The following KALRN variants were observed in gnomAD, a reference collection of about 807,000 sequenced individuals.
The protein encoded by KALRN is kalirin.
A neutral mutation model predicts 353.7 loss-of-function variants in KALRN; 70 were observed. The observed-to-expected ratio is 0.20, with a 90% CI of 0.16 to 0.24. The LOEUF (loss-of-function observed/expected upper bound fraction) is 0.24, where lower values mean the gene tolerates loss of function less well. KALRN is among the 10% of genes least tolerant of loss of function. KALRN has a pLI of 1.00. For synonymous variants in KALRN, 1,391 were observed against 1,434.8 expected, an observed-to-expected ratio of 0.97 and a Z score of 0.69; for missense variants, 2,791 against 3,756.7, an observed-to-expected ratio of 0.74 and a Z score of 6.72.
chr3:124,658,350 T>C, intron 41 of KALRN, 81 bp from the exon 42 acceptor site: 1 of 1,051,578 alleles, frequency 9.5e-7, no homozygotes, highest in Non-Finnish European at 1.5e-6. Flanking sequence ...TTTGTCCACG[T>C]GGAGGCCAGC....
At chr3:124,091,817 AAAC>A (rs1436579210) in intron 1 of KALRN, among the ~76,000 whole-genome samples, 1 of 152,220 alleles carries the variant, frequency 6.6e-6, no homozygotes, top group Non-Finnish European at 1.5e-5. Context: ...GACAAAACAA[AAAC>A]AACAACAAAA....
At chr3:124,109,684 C>G (rs146646686) in intron 1 of KALRN, among the ~76,000 whole-genome samples, 5,815 of 146,528 alleles carry the variant, frequency 0.04, 289 homozygotes, top group African/African-American at 0.13. Context: ...ATATACATAT[C>G]ATATATATAT....
At chr3:124,153,890 G>T (rs1483422806) in intron 1 of KALRN, among the ~76,000 whole-genome samples, 1 of 151,886 alleles carries the variant, frequency 6.6e-6, no homozygotes, top group Non-Finnish European at 1.5e-5. Context: ...ATTTTTTCAT[G>T]TGTCTTTTGG....
At chr3:124,099,600 T>C (rs1377416634) in intron 1 of KALRN, among the ~76,000 whole-genome samples, 1 of 152,204 alleles carries the variant, frequency 6.6e-6, no homozygotes. Flanking sequence ...CTGGATTGTA[T>C]AGTAGTTCTA....
intron 5 of KALRN, 102 bp downstream of exon 5, chr3:124,269,357 T>C (rs1163440705): frequency 5.8e-5 from 74 of 1,277,692 alleles, no homozygotes; most frequent in Admixed American, 9.9e-5. Context: ...TGGAAAGCTT[T>C]AAAACAGTGT....
chr3:124,357,735 G>A (rs1003266660), intron 10 of KALRN, among the ~76,000 whole-genome samples: 6 of 152,160 alleles, frequency 3.9e-5, no homozygotes, highest in African/African-American at 1.4e-4. Flanking sequence ...ATGGTAGTTA[G>A]CACAGTGCCA....
At chr3:124,627,315 G>T (rs1434315594) in intron 34 of KALRN, among the ~76,000 whole-genome samples, 1 of 152,188 alleles carries the variant, frequency 6.6e-6, no homozygotes, top group African/African-American at 2.4e-5. Flanking sequence ...CCAGTTGCTT[G>T]CATGGAACAA....
At chr3:124,518,498 G>C in intron 33 of KALRN, 1 of 1,613,610 alleles carries the variant, frequency 6.2e-7, no homozygotes, top group Non-Finnish European at 8.5e-7. Flanking sequence ...AGCTCACCGG[G>C]TTAGCCGTGG....
At chr3:124,182,311 G>C (rs1301035941) in intron 1 of KALRN, among the ~76,000 whole-genome samples, 2 of 152,202 alleles carry the variant, frequency 1.3e-5, no homozygotes, top group Non-Finnish European at 2.9e-5. Context: ...CTCTTAGGAG[G>C]CTGCAATCAA....
intron 57 of KALRN, among the ~76,000 whole-genome samples, chr3:124,705,336 G>A (rs2062550543): frequency 6.6e-6 from 1 of 152,066 alleles, no homozygotes; most frequent in Non-Finnish European, 1.5e-5. Context: ...ATTGGAAGAA[G>A]AGACAAAAAT....
At chr3:124,556,007 AT>A (rs2071196778) in intron 33 of KALRN, among the ~76,000 whole-genome samples, 3 of 152,294 alleles carry the variant, frequency 2.0e-5, no homozygotes, top group Admixed American at 2.0e-4. Context: ...CTGGAGTCCA[AT>A]TTCCTCATCT....
intron 1 of KALRN, among the ~76,000 whole-genome samples, chr3:124,129,530 G>A (rs1025816058): frequency 1.3e-5 from 2 of 152,202 alleles, no homozygotes; most frequent in African/African-American, 2.4e-5. Flanking sequence ...ACTGCACTTG[G>A]TGGTTAGGTG....
intron 1 of KALRN, among the ~76,000 whole-genome samples, chr3:124,160,089 G>C (rs1343370060): frequency 6.6e-6 from 1 of 151,524 alleles, no homozygotes. Context: ...ATCTTAGAAT[G>C]TGACCTTACT....
At chr3:124,603,451 C>T (rs1020660899) in intron 34 of KALRN, among the ~76,000 whole-genome samples, 2 of 152,138 alleles carry the variant, frequency 1.3e-5, no homozygotes, top group Admixed American at 6.5e-5. Flanking sequence ...TTTTACCTCC[C>T]GGAGCCCACC....
At chr3:124,175,977 A>G (rs1051257954) in intron 1 of KALRN, among the ~76,000 whole-genome samples, 1 of 151,806 alleles carries the variant, frequency 6.6e-6, no homozygotes. Flanking sequence ...TTTTTTCATG[A>G]TTTTCTCTCT....
At chr3:124,107,711 A>G (rs1267655761) in intron 1 of KALRN, among the ~76,000 whole-genome samples, 1 of 152,186 alleles carries the variant, frequency 6.6e-6, no homozygotes, top group African/African-American at 2.4e-5. Flanking sequence ...GAGGCAGCAC[A>G]TACATAGCAG....
At chr3:124,074,530 A>G (rs1271668249) in intron 1 of KALRN, among the ~76,000 whole-genome samples, 3 of 152,214 alleles carry the variant, frequency 2.0e-5, no homozygotes, top group African/African-American at 7.2e-5. Flanking sequence ...GGAGCCCAGA[A>G]TTTATCTTAT....
chr3:124,048,381 T>G (rs1282391566), intron 1 of KALRN, among the ~76,000 whole-genome samples: 1 of 152,214 alleles, frequency 6.6e-6, no homozygotes, highest in African/African-American at 2.4e-5. Flanking sequence ...TAGCTTTTTT[T>G]CATTTAACAA....
intron 19 of KALRN, among the ~76,000 whole-genome samples, chr3:124,442,287 T>C (rs1468440481): frequency 1.3e-5 from 2 of 152,206 alleles, no homozygotes; most frequent in Non-Finnish European, 2.9e-5. Context: ...AGTATTTTCA[T>C]TTATCTTAGA....
Sources: allele counts gnomAD v4.1 joint callset (sites outside exome capture counted in the v4.1 genomes callset), GRCh38; gene constraint gnomAD v4.1.1; transcripts MANE v1.5; gene names NCBI Gene and HGNC (gene_info 2026-07-23, HGNC 2026-07-21).